PPWD1: variants seen among roughly 807,000 people sequenced by gnomAD.
PPWD1 encodes peptidylprolyl isomerase domain and WD repeat containing 1.
PPWD1 carries 43 observed loss-of-function variants against 68.8 expected under a neutral mutation model. The ratio of observed to expected loss-of-function variants is 0.62; its 90% CI spans 0.49 to 0.81. The LOEUF is 0.81. Among genes scored for constraint, PPWD1 ranks in the 30% least tolerant of loss-of-function variants. The probability of loss-of-function intolerance (pLI) is 0.00; values close to 1 mark genes in which losing one functional copy is unlikely to be tolerated. For missense variants in PPWD1, 672 were observed against 804.8 expected (o/e 0.83, Z 2.00); for synonymous variants, 232 against 258.7 (o/e 0.90, Z 0.99).
chr5:65,569,583 A>T, intron 2 of PPWD1, 49 bp from the exon 3 acceptor site: 1 of 1,501,978 alleles, frequency 6.7e-7, no homozygotes, highest in Non-Finnish European at 9.0e-7. Context: ...ATACTAAGTG[A>T]TTCATAGATC....
intron 6 of PPWD1, among the ~76,000 whole-genome samples, chr5:65,578,837 G>C (rs941328471): frequency 9.0e-5 from 13 of 144,890 alleles, no homozygotes; most frequent in Non-Finnish European, 4.5e-5. Context: ...TAAAAAAAGA[G>C]TTTTTTATAT....
At chr5:65,576,438 G>A (rs988834465) in intron 5 of PPWD1, 6 of 729,436 alleles carry the variant, frequency 8.2e-6, no homozygotes, top group African/African-American at 2.0e-5. Flanking sequence ...GTGCAGTGGC[G>A]CAATTTCGGC....
chr5:65,576,450 C>T, intron 5 of PPWD1: 6 of 618,038 alleles, frequency 9.7e-6, no homozygotes, highest in Non-Finnish European at 1.2e-5. Flanking sequence ...AATTTCGGCT[C>T]ACTGCAGCGT....
At chr5:65,576,542 A>G in intron 5 of PPWD1, 1 of 243,270 alleles carries the variant, frequency 4.1e-6, no homozygotes, top group Non-Finnish European at 6.6e-6. Context: ...ATGCCCGGCT[A>G]AGTTTTTATG....
At chr5:65,578,079 G>A (rs2150601718) in intron 6 of PPWD1, among the ~76,000 whole-genome samples, 1 of 152,290 alleles carries the variant, frequency 6.6e-6, no homozygotes, top group Non-Finnish European at 1.5e-5. Flanking sequence ...TCCAGAATGT[G>A]ATATAGCTAA....
chr5:65,587,307 G>A lies in PPWD1; in HGVS notation c.1852G>A (p.Val618Ile). 2 of 1,612,630 alleles carry A rather than the reference G, an allele frequency of 1.2e-6. No individual in the cohort carries two copies. Among genetic ancestry groups the A allele is most frequent in the Non-Finnish European group, 1.7e-6 (2 of 1,178,960 alleles). ...VFGRVTKGME[V>I]VQRISNVKVN... is the part of the protein sequence containing the mutation. Reference sequence around the variant, plus strand: ...TGGACGAGTGACTAAAGGAATGGAAGTTGTACAGAGGATCTCCAACGTCAA... The same window carrying A: ...TGGACGAGTGACTAAAGGAATGGAAATTGTACAGAGGATCTCCAACGTCAA... Residue 618 changes from valine (V) to isoleucine (I), a missense_variant, in exon 11 of 11, where the codon GTT becomes ATT. Val to Ile is a conservative substitution (Grantham distance 29). Transcript: ENST00000261308.
intron 4 of PPWD1, among the ~76,000 whole-genome samples, chr5:65,571,477 G>A (rs960800233): frequency 6.6e-6 from 1 of 152,142 alleles, no homozygotes; most frequent in African/African-American, 2.4e-5. Context: ...CTATTTTAAA[G>A]TAAGTTATAC....
chr5:65,582,179 TC>T (rs1156247383), intron 7 of PPWD1, among the ~76,000 whole-genome samples: 1 of 152,176 alleles, frequency 6.6e-6, no homozygotes, highest in Admixed American at 6.5e-5. Flanking sequence ...AGCTTTACGT[TC>T]CCATAATTAA....
intron 1 of PPWD1, chr5:65,563,883 A>C: frequency 6.9e-7 from 1 of 1,443,904 alleles, no homozygotes; most frequent in East Asian, 2.5e-5. Flanking sequence ...TTAGTTCAGG[A>C]GTGGTGTTAA....
chr5:65,573,508 T>G (rs1200673453), intron 5 of PPWD1, among the ~76,000 whole-genome samples: 2 of 97,420 alleles, frequency 2.1e-5, no homozygotes, highest in African/African-American at 3.7e-5. Flanking sequence ...TTTTTTTTAG[T>G]ACAGATGGTT....
intron 7 of PPWD1, among the ~76,000 whole-genome samples, chr5:65,581,535 A>G (rs1581163709): frequency 6.6e-6 from 1 of 152,192 alleles, no homozygotes; most frequent in African/African-American, 2.4e-5. Context: ...GCAGTGAGCT[A>G]TGATCACACC....
At chr5:65,579,142 C>T (rs1482549073) in intron 6 of PPWD1, among the ~76,000 whole-genome samples, 5 of 152,176 alleles carry the variant, frequency 3.3e-5, no homozygotes, top group Non-Finnish European at 5.9e-5. Context: ...GTCTCGAACT[C>T]CTGACCTCAA....
At chr5:65,572,693 C>G (rs1234287450) in intron 5 of PPWD1, among the ~76,000 whole-genome samples, 2 of 152,144 alleles carry the variant, frequency 1.3e-5, no homozygotes, top group South Asian at 4.1e-4. Flanking sequence ...GTCCTGTCTT[C>G]ATAAATGGTG....
chr5:65,586,249 A>G, intron 10 of PPWD1, 68 bp downstream of exon 10: 1 of 1,417,500 alleles, frequency 7.1e-7, no homozygotes, highest in Non-Finnish European at 9.6e-7. Flanking sequence ...TGAACTCAGT[A>G]GAAGAGCTGC....
intron 6 of PPWD1, among the ~76,000 whole-genome samples, chr5:65,577,669 A>C (rs928439266): frequency 6.6e-6 from 1 of 152,372 alleles, no homozygotes; most frequent in East Asian, 1.9e-4. Flanking sequence ...ACAGACATGG[A>C]ATTTTAATAA....
At chr5:65,576,176 C>T (rs1209351330) in intron 5 of PPWD1, among the ~76,000 whole-genome samples, 1 of 112,000 alleles carries the variant, frequency 8.9e-6, no homozygotes, top group East Asian at 2.2e-4. Flanking sequence ...ATGAAATTCA[C>T]CTGTTTTCTT....
intron 2 of PPWD1, chr5:65,568,852 T>TA (rs1403116151): frequency 2.2e-6 from 1 of 453,728 alleles, no homozygotes; most frequent in African/African-American, 2.0e-5. Context: ...AAACAGTATA[T>TA]ATATACATAT....
At chr5:65,585,179 T>C in intron 9 of PPWD1, 84 bp downstream of exon 9, 1 of 1,312,014 alleles carries the variant, frequency 7.6e-7, no homozygotes, top group Non-Finnish European at 1.1e-6. Context: ...TCTTCTTCTC[T>C]CACACTTAAT....
In PPWD1 at chr5:65,576,968, T is replaced by C; in HGVS notation, c.1059T>C (p.Val353=). Residue 353 remains valine (V), a synonymous_variant, in exon 6 of 11, where the codon GTT becomes GTC. Coordinates refer to ENST00000261308, the MANE Select transcript of PPWD1 (RefSeq NM_015342.4). ...RMAVERELEK[V]DAVRLINIVF... ...CTGTAGAACGTGAGTTGGAGAAGGTTGATGCTGTAAGATTAATTAATATAG... is the reference window on the plus strand; with the variant it reads ...CTGTAGAACGTGAGTTGGAGAAGGTCGATGCTGTAAGATTAATTAATATAG... 1.9e-6 allele frequency: 3 copies of C among 1,614,138 alleles called. No homozygotes were observed. Among genetic ancestry groups the C allele is most frequent in the Non-Finnish European group, 2.5e-6 (3 of 1,180,002 alleles).
Sources: gnomAD v4.1 joint callset for allele counts (sites outside exome capture counted in the v4.1 genomes callset) on GRCh38, gnomAD v4.1.1 for gene constraint, MANE v1.5 for transcripts, NCBI Gene and HGNC (gene_info 2026-07-23, HGNC 2026-07-21) for gene names.